The following CEP128 variants were observed in gnomAD, a reference collection of about 807,000 sequenced individuals.
CEP128 encodes centrosomal protein 128kDa.
CEP128 carries 132 observed loss-of-function variants against 156.7 expected under a neutral mutation model. The observed-to-expected ratio is 0.84, with a 90% CI of 0.73 to 0.97. The LOEUF (loss-of-function observed/expected upper bound fraction) is 0.97. CEP128 is among the 50% of genes least tolerant of loss of function. CEP128 has a pLI of 0.00. For synonymous variants in CEP128, 469 were observed against 448.9 expected (o/e 1.04, Z -0.57); for missense variants, 1,252 against 1,281.9 (o/e 0.98, Z 0.36).
chr14:80,701,978 T>C (rs1192933313), intron 19 of CEP128, among the ~76,000 whole-genome samples: 2 of 152,142 alleles, frequency 1.3e-5, no homozygotes, highest in Non-Finnish European at 2.9e-5. Flanking sequence ...CATTCTTGGC[T>C]CCCCTGGCAC....
intron 2 of CEP128, among the ~76,000 whole-genome samples, chr14:80,921,234 T>C (rs1039638815): frequency 6.6e-6 from 1 of 152,146 alleles, no homozygotes; most frequent in African/African-American, 2.4e-5. Flanking sequence ...AGTGAGGCAG[T>C]ATTGAGAGGT....
intron 8 of CEP128, among the ~76,000 whole-genome samples, chr14:80,892,290 C>CCAATA (rs1404885938): frequency 1.3e-5 from 2 of 151,818 alleles, no homozygotes; most frequent in South Asian, 4.2e-4. Context: ...GACAGGGGCA[C>CCAATA]CAATAGGATA....
intron 8 of CEP128, among the ~76,000 whole-genome samples, chr14:80,883,533 A>C (rs1475178369): frequency 1.3e-5 from 2 of 152,156 alleles, no homozygotes; most frequent in African/African-American, 4.8e-5. Context: ...AATTAACCAA[A>C]AAAGTGAAAG....
intron 19 of CEP128, among the ~76,000 whole-genome samples, chr14:80,624,069 C>T (rs1893605022): frequency 6.6e-6 from 1 of 152,158 alleles, no homozygotes. Context: ...CAACCTCTTC[C>T]TATCATCCCC....
chr14:80,914,399 G>A lies in CEP128; in HGVS notation c.157C>T (p.Arg53Trp), dbSNP rs943488981. The change falls in exon 4 of 25, where the codon CGG becomes TGG. Residue 53 changes from arginine (R) to tryptophan (W), a missense_variant. Transcript: ENST00000555265. The part of the protein sequence containing the change: ...TITSTLQDTS[R>W]NLRQVDQMLG... ...ATCTGGTCCACTTGTCGCAGGTTCC[G>A]ACTGGTATCCTTGAGAAAGAAAATG... is the stretch of plus-strand genomic sequence containing the variant. 10 of 1,612,702 alleles carry A rather than the reference G, an allele frequency of 6.2e-6. No homozygotes were observed. The African/African-American group carries it at 6.7e-5, about 11-fold the overall frequency.
At chr14:80,526,329 T>C (rs959835016) in intron 23 of CEP128, among the ~76,000 whole-genome samples, 5 of 152,186 alleles carry the variant, frequency 3.3e-5, no homozygotes, top group Admixed American at 2.6e-4. Context: ...CCCAGATGGA[T>C]ACTGGGTAGG....
intron 19 of CEP128, among the ~76,000 whole-genome samples, chr14:80,688,436 C>T (rs1896600104): frequency 6.6e-6 from 1 of 152,266 alleles, no homozygotes; most frequent in East Asian, 1.9e-4. Context: ...TATTCCGTGT[C>T]CATGTAACAA....
chr14:80,497,612 A>C (rs1887547785), intron 24 of CEP128, 30 bp from the exon 25 acceptor site: 1 of 1,448,574 alleles, frequency 6.9e-7, no homozygotes. Context: ...AAGAAAAATA[A>C]ACCTAGGTGA....
chr14:80,520,421 A>C (rs796135451), intron 23 of CEP128, among the ~76,000 whole-genome samples: 159 of 85,642 alleles, frequency 1.9e-3, no homozygotes, highest in African/African-American at 4.4e-3. Flanking sequence ...TCCATCTAAA[A>C]AAACAAACAA....
At chr14:80,574,130 A>C (rs1891259237) in intron 20 of CEP128, among the ~76,000 whole-genome samples, 1 of 152,214 alleles carries the variant, frequency 6.6e-6, no homozygotes, top group African/African-American at 2.4e-5. Context: ...AACCTTAAAC[A>C]GTTAATCCTA....
chr14:80,929,301 A>C (rs1315454902), intron 2 of CEP128, among the ~76,000 whole-genome samples: 1 of 152,238 alleles, frequency 6.6e-6, no homozygotes, highest in East Asian at 1.9e-4. Context: ...TCTATGGAAA[A>C]TAGTATGGAG....
intron 21 of CEP128, among the ~76,000 whole-genome samples, chr14:80,533,656 TC>T (rs151019276): frequency 0.04 from 6,097 of 152,216 alleles, 144 homozygotes; most frequent in South Asian, 0.071. Flanking sequence ...ATTTTTATTC[TC>T]CCCTCCCTTG....
intron 19 of CEP128, among the ~76,000 whole-genome samples, chr14:80,608,038 T>C (rs1025335048): frequency 6.6e-6 from 1 of 152,194 alleles, no homozygotes. Flanking sequence ...CGAGTTCTTC[T>C]GCCTAGAACA....
intron 21 of CEP128, among the ~76,000 whole-genome samples, chr14:80,534,278 C>G (rs1889373270): frequency 6.6e-6 from 1 of 151,756 alleles, no homozygotes; most frequent in Non-Finnish European, 1.5e-5. Flanking sequence ...AGAATCTTGT[C>G]ACATTACTTA....
At chr14:80,946,354 A>ATGATGCCTCATGATGCATCATGT (rs2139650939), upstream of CEP128, among the ~76,000 whole-genome samples, 1 of 138,178 alleles carries the variant, frequency 7.2e-6, no homozygotes, top group African/African-American at 2.8e-5. Context: ...ATGCATCATG[A>ATGATGCCTCATGATGCATCATGT]TGATGCCTCA....
intron 4 of CEP128, among the ~76,000 whole-genome samples, chr14:80,910,763 C>G (rs73344053): frequency 0.022 from 3,303 of 152,202 alleles, 41 homozygotes; most frequent in Middle Eastern, 0.068. Context: ...TAGGCTCCCT[C>G]TAGCCAAAGA....
At position 80,861,232 on chromosome 14, in the gene CEP128, A is replaced by G. The variant is rs75290087; in HGVS notation, c.762+1525T>C. On this transcript the variant is annotated intron_variant, in intron 9 of 24. Coordinates refer to ENST00000555265, the MANE Select transcript of CEP128 (RefSeq NM_152446.5). The stretch of plus-strand genomic sequence containing the variant: ...GATGCTAAAATTAGTGAGCAAAAGT[A>G]CAATAGAAATTTACAATAGAAAGTA... Among the ~76,000 whole-genome samples the G allele has an allele frequency of 7.5e-3, 1,148 of 152,174 alleles. 14 individuals carry two copies. The highest frequency in any genetic ancestry group is 0.026 in the African/African-American group (1,084 of 41,570).
chr14:80,780,297 A>G (rs780891404), intron 15 of CEP128, among the ~76,000 whole-genome samples: 5 of 152,188 alleles, frequency 3.3e-5, no homozygotes, highest in Non-Finnish European at 7.3e-5. Flanking sequence ...TCAGTATATT[A>G]CATCTCCTGT....
At chr14:80,767,333 T>A (rs576997253) in intron 16 of CEP128, among the ~76,000 whole-genome samples, 1 of 152,218 alleles carries the variant, frequency 6.6e-6, no homozygotes, top group East Asian at 1.9e-4. Flanking sequence ...GCTGGTCACA[T>A]CATAACCACT....
Sources: allele counts gnomAD v4.1 joint callset (sites outside exome capture counted in the v4.1 genomes callset), GRCh38; gene constraint gnomAD v4.1.1; transcripts MANE v1.5; gene names NCBI Gene and HGNC (gene_info 2026-07-23, HGNC 2026-07-21).